The following PRELID2 variants were observed in gnomAD, a reference collection of about 807,000 sequenced individuals.
The protein encoded by PRELID2 is PRELI domain containing 2.
A neutral mutation model predicts 28.4 loss-of-function variants in PRELID2; 25 were observed. That is an observed-to-expected ratio of 0.88 (90% CI 0.64 to 1.23). The LOEUF is 1.23. PRELID2 is among the 50% of genes most tolerant of loss of function. The pLI is 0.00. For synonymous variants in PRELID2, 76 were observed against 71.6 expected, an observed-to-expected ratio of 1.06 and a Z score of -0.31; for missense variants, 201 against 214.4, an observed-to-expected ratio of 0.94 and a Z score of 0.39.
intron 1 of PRELID2, among the ~76,000 whole-genome samples, chr5:145,656,807 C>G (rs888068559): frequency 1.3e-5 from 2 of 151,790 alleles, no homozygotes; most frequent in Admixed American, 1.3e-4. Context: ...ATGTAAATGG[C>G]AAGTTAATGG....
chr5:145,639,170 G>A (rs1394637390), intron 1 of PRELID2, among the ~76,000 whole-genome samples: 2 of 152,196 alleles, frequency 1.3e-5, no homozygotes, highest in African/African-American at 4.8e-5. Flanking sequence ...GTAGCTAATA[G>A]TTAGAAGGAA....
chr5:145,615,199 TG>T (rs1238467131), intron 1 of PRELID2, among the ~76,000 whole-genome samples: 1 of 152,238 alleles, frequency 6.6e-6, no homozygotes, highest in African/African-American at 2.4e-5. Flanking sequence ...CTTTAAAGTT[TG>T]TTTTGTCTGA....
the PRELID2 span, among the ~76,000 whole-genome samples, chr5:145,240,297 A>G: frequency 1.3e-5 from 2 of 152,012 alleles, no homozygotes; most frequent in African/African-American, 4.8e-5. Flanking sequence ...GAAAATAAAA[A>G]TAAGCAAAGT....
chr5:145,427,956 C>A, the PRELID2 span, among the ~76,000 whole-genome samples: 1 of 151,936 alleles, frequency 6.6e-6, no homozygotes, highest in Non-Finnish European at 1.5e-5. Context: ...AGTTCAATTT[C>A]TTTCTTTCTT....
At chr5:145,704,400 G>A (rs1433392598) in intron 1 of PRELID2, 2 of 152,162 alleles carry the variant, frequency 1.3e-5, no homozygotes, top group Non-Finnish European at 2.9e-5. Flanking sequence ...CAAATATGGT[G>A]TTACTGGGGT....
chr5:145,827,397 G>T (rs1358704079), intron 1 of PRELID2, among the ~76,000 whole-genome samples: 1 of 152,104 alleles, frequency 6.6e-6, no homozygotes, highest in Non-Finnish European at 1.5e-5. Flanking sequence ...AAAGTATTTG[G>T]AATGGCTGTT....
chr5:145,693,675 G>C (rs1267150158), intron 1 of PRELID2, among the ~76,000 whole-genome samples: 1 of 152,208 alleles, frequency 6.6e-6, no homozygotes, highest in African/African-American at 2.4e-5. Context: ...TCAGGAGGCT[G>C]AGGTGAGAGA....
intron 1 of PRELID2, among the ~76,000 whole-genome samples, chr5:145,666,447 GT>G (rs143289877): frequency 0.063 from 9,633 of 152,000 alleles, 1,010 homozygotes; most frequent in African/African-American, 0.22. Flanking sequence ...TGGGAGTGTT[GT>G]TTTTCAGAAA....
chr5:145,662,479 ATT>A (rs746279566), intron 1 of PRELID2, among the ~76,000 whole-genome samples: 14 of 151,994 alleles, frequency 9.2e-5, no homozygotes, highest in African/African-American at 7.3e-5. Flanking sequence ...GTAAGCAGCT[ATT>A]TTGTCTTTGC....
chr5:145,652,063 C>A (rs1158167891), intron 1 of PRELID2, among the ~76,000 whole-genome samples: 1 of 152,112 alleles, frequency 6.6e-6, no homozygotes, highest in Non-Finnish European at 1.5e-5. Flanking sequence ...CCTTAAAAGA[C>A]CTGATGGAGC....
At chr5:145,332,790 T>G in the PRELID2 span, among the ~76,000 whole-genome samples, 2 of 152,118 alleles carry the variant, frequency 1.3e-5, no homozygotes, top group Non-Finnish European at 2.9e-5. Flanking sequence ...ACTCATTCTC[T>G]GTCCAGTTTT....
chr5:145,449,230 T>C, the PRELID2 span, among the ~76,000 whole-genome samples: 2 of 152,106 alleles, frequency 1.3e-5, no homozygotes, highest in African/African-American at 4.8e-5. Context: ...TCTAATGAGA[T>C]GGCCAGGTGG....
intron 1 of PRELID2, among the ~76,000 whole-genome samples, chr5:145,592,427 A>G (rs1753243211): frequency 6.6e-6 from 1 of 151,764 alleles, no homozygotes; most frequent in African/African-American, 2.4e-5. Context: ...CTCAAAAAAA[A>G]AATTGTATAT....
At chr5:145,311,057 C>T in the PRELID2 span, among the ~76,000 whole-genome samples, 1 of 152,214 alleles carries the variant, frequency 6.6e-6, no homozygotes. Context: ...TAAGTAAAAT[C>T]GGGCCAGATG....
At chr5:145,326,778 C>A in the PRELID2 span, among the ~76,000 whole-genome samples, 5 of 151,730 alleles carry the variant, frequency 3.3e-5, no homozygotes, top group Admixed American at 6.6e-5. Context: ...GGGTCATAGA[C>A]CCATAGGCAA....
At chr5:145,511,831 GA>G (rs1225973224) in intron 1 of PRELID2, among the ~76,000 whole-genome samples, 5 of 152,184 alleles carry the variant, frequency 3.3e-5, no homozygotes, top group African/African-American at 1.2e-4. Flanking sequence ...ATCTGCAAGA[GA>G]AACTGGAAAA....
At chr5:145,796,393 C>A (rs1428652195) in intron 5 of PRELID2, 49 bp downstream of exon 5, 7 of 1,226,398 alleles carry the variant, frequency 5.7e-6, no homozygotes, top group Non-Finnish European at 6.0e-6. Flanking sequence ...TATTGGAACT[C>A]CTATTGTTTT....
chr5:145,411,624 T>C, the PRELID2 span, among the ~76,000 whole-genome samples: 2 of 152,174 alleles, frequency 1.3e-5, no homozygotes, highest in African/African-American at 4.8e-5. Flanking sequence ...GTGCAAGCTG[T>C]CAGTGGATCT....
the PRELID2 span, among the ~76,000 whole-genome samples, chr5:145,276,658 A>G: frequency 4.0e-3 from 602 of 152,236 alleles, 2 homozygotes; most frequent in African/African-American, 0.014. Flanking sequence ...TATGTGACTC[A>G]TCTAGTTGGT....
Sources: gnomAD v4.1 joint callset for allele counts (sites outside exome capture counted in the v4.1 genomes callset) on GRCh38, gnomAD v4.1.1 for gene constraint, MANE v1.5 for transcripts, NCBI Gene and HGNC (gene_info 2026-07-23, HGNC 2026-07-21) for gene names.